Variants in ZNF679 observed in about 807,000 individuals in gnomAD.
The protein encoded by ZNF679 is hypothetical protein MGC42415.
A neutral mutation model predicts 13.4 loss-of-function variants in ZNF679; 10 were observed. That is an observed-to-expected ratio of 0.75 (90% CI 0.46 to 1.27). The LOEUF (loss-of-function observed/expected upper bound fraction) is 1.27, where lower values mean the gene tolerates loss of function less well. Ranked by LOEUF, ZNF679 falls within the 50% of genes most tolerant of loss-of-function variation. The pLI is 0.00. For synonymous variants in ZNF679, 179 were observed against 162.5 expected (o/e 1.10, Z -0.77); for missense variants, 525 against 477.8 (o/e 1.10, Z -0.92).
chr7:64,236,942 A>AAAG (rs1491370312), intron 1 of ZNF679, among the ~76,000 whole-genome samples: 2 of 45,644 alleles, frequency 4.4e-5, no homozygotes, highest in Non-Finnish European at 4.1e-5. Flanking sequence ...AGAAAGAAAG[A>AAAG]AAGAAAGAAA....
chr7:64,248,920 T>G (rs2116528634), intron 1 of ZNF679, 108 bp from the exon 2 acceptor site: 1 of 799,960 alleles, frequency 1.3e-6, no homozygotes, highest in Middle Eastern at 3.5e-4. Flanking sequence ...TCCTGAAACC[T>G]TATCCAATCA....
At chr7:64,231,457 G>A (rs764902075) in intron 1 of ZNF679, among the ~76,000 whole-genome samples, 2 of 151,992 alleles carry the variant, frequency 1.3e-5, no homozygotes, top group Non-Finnish European at 2.9e-5. Context: ...CAGGAAAAGA[G>A]AGTCAACATC....
chr7:64,233,693 T>C (rs565309567), intron 1 of ZNF679, among the ~76,000 whole-genome samples: 1 of 152,208 alleles, frequency 6.6e-6, no homozygotes, highest in East Asian at 1.9e-4. Context: ...GGAAACCACC[T>C]TCACCTTCAT....
chr7:64,229,182 C>T (rs769887125), intron 1 of ZNF679, among the ~76,000 whole-genome samples: 5 of 152,066 alleles, frequency 3.3e-5, no homozygotes, highest in Non-Finnish European at 7.4e-5. Context: ...AGAATCTTAC[C>T]TGTGGTCAGG....
At chr7:64,258,698 C>CAAA (rs548892451) in intron 2 of ZNF679, among the ~76,000 whole-genome samples, 22 of 98,852 alleles carry the variant, frequency 2.2e-4, no homozygotes, top group Admixed American at 1.2e-3. Context: ...AAGATGGTCT[C>CAAA]AAAAAAAAAA....
At chr7:64,253,911 A>G (rs762588150) in intron 2 of ZNF679, among the ~76,000 whole-genome samples, 3 of 152,182 alleles carry the variant, frequency 2.0e-5, no homozygotes, top group Non-Finnish European at 4.4e-5. Flanking sequence ...AGCAAAGTTG[A>G]TTAAGAAGTA....
intron 1 of ZNF679, among the ~76,000 whole-genome samples, chr7:64,240,583 T>A (rs1787785157): frequency 6.6e-6 from 1 of 151,812 alleles, no homozygotes; most frequent in Admixed American, 6.5e-5. Flanking sequence ...GATAGAATTG[T>A]CACCCTCACA....
At chr7:64,236,040 G>T (rs1458447882) in intron 1 of ZNF679, among the ~76,000 whole-genome samples, 2 of 152,112 alleles carry the variant, frequency 1.3e-5, no homozygotes, top group Non-Finnish European at 2.9e-5. Context: ...GCCAAGGTGG[G>T]TGGATCATGA....
At chr7:64,246,888 T>C (rs1337146606) in intron 1 of ZNF679, among the ~76,000 whole-genome samples, 2 of 152,142 alleles carry the variant, frequency 1.3e-5, no homozygotes, top group African/African-American at 4.8e-5. Flanking sequence ...ACAGCAGCAG[T>C]GTGGGCTGCT....
At chr7:64,246,787 G>A (rs1451499141) in intron 1 of ZNF679, among the ~76,000 whole-genome samples, 1 of 151,632 alleles carries the variant, frequency 6.6e-6, no homozygotes, top group Non-Finnish European at 1.5e-5. Flanking sequence ...AGGAAGGAAG[G>A]AAGGGAGGGA....
In ZNF679 at chr7:64,265,955, C is replaced by CA; in HGVS notation, c.327dup (p.Val110SerfsTer12). On this transcript the variant is annotated frameshift_variant, in exon 5 of 5. Coordinates refer to ENST00000421025, the MANE Select transcript of ZNF679 (RefSeq NM_153363.3). LOFTEE classifies it low-confidence loss of function (END_TRUNC). ...AGAGCTAGGCATAAAAGATTCACTC[C>CA]AAAAAGTAATACCAAGAAGATATGG... is the stretch of plus-strand genomic sequence containing the variant. 1 of 1,613,660 alleles carries CA rather than the reference C, an allele frequency of 6.2e-7. No individual in the cohort carries two copies. Among genetic ancestry groups the CA allele is most frequent in the Non-Finnish European group, 8.5e-7 (1 of 1,179,842 alleles).
At chr7:64,245,133 C>T (rs1200532278) in intron 1 of ZNF679, among the ~76,000 whole-genome samples, 1 of 152,148 alleles carries the variant, frequency 6.6e-6, no homozygotes, top group Non-Finnish European at 1.5e-5. Flanking sequence ...TCAAGCAGTT[C>T]TCCCTGCCCC....
chr7:64,249,446 A>AT (rs1787914551), intron 2 of ZNF679, among the ~76,000 whole-genome samples: 1 of 152,188 alleles, frequency 6.6e-6, no homozygotes, highest in Non-Finnish European at 1.5e-5. Context: ...TTGTACAGGG[A>AT]TGGGAAAGTC....
rs58504724 is a variant in ZNF679, at chr7:64,236,922, G to GAAAGAAAGA, written c.-91+8272_-91+8273insAGAAAGAAA. ...AAAAAGAAAAAAAGAAAGAAAGAAA[G>GAAAGAAAGA]AAGAAAGAAAGAAAGAAAGAAAGAA... On this transcript the variant is annotated intron_variant, in intron 1 of 4. Coordinates refer to ENST00000421025, the MANE Select transcript of ZNF679 (RefSeq NM_153363.3). 7.1e-4 allele frequency among the ~76,000 whole-genome samples: 61 copies of GAAAGAAAGA among 85,396 alleles called. No individual in the cohort carries two copies. In the East Asian group the frequency reaches 0.012, roughly 17 times the overall value. 56.0% of individuals were successfully genotyped at this position (85,396 alleles called of 152,430 possible).
At position 64,266,412 on chromosome 7, in the gene ZNF679, G is replaced by A. The variant is rs748367566; in HGVS notation, c.779G>A (p.Arg260Lys). The A allele has an allele frequency of 4.3e-6, 7 of 1,612,504 alleles. No homozygotes were observed. The highest frequency in any genetic ancestry group is 5.9e-6 in the Non-Finnish European group (7 of 1,179,360). Reference sequence around the variant, plus strand: ...TCCTCAACCCTTACTAAACATAGGAGAATTCATACTGGAGAAAAACCCTAC... The same window carrying A: ...TCCTCAACCCTTACTAAACATAGGAAAATTCATACTGGAGAAAAACCCTAC... The part of the protein sequence containing the change: ...TWSSTLTKHR[R>K]IHTGEKPYTC... Residue 260 changes from arginine (R) to lysine (K), a missense_variant, in exon 5 of 5, where the codon AGA becomes AAA. Coordinates refer to ENST00000421025, the MANE Select transcript of ZNF679 (RefSeq NM_153363.3).
At chr7:64,256,907 A>G (rs1210219825) in intron 2 of ZNF679, among the ~76,000 whole-genome samples, 1 of 152,118 alleles carries the variant, frequency 6.6e-6, no homozygotes, top group African/African-American at 2.4e-5. Flanking sequence ...CATGTTAGCC[A>G]GGCTGGTCTT....
At chr7:64,260,491 A>C (rs1191996327) in intron 3 of ZNF679, 144 bp downstream of exon 3, 1 of 1,311,600 alleles carries the variant, frequency 7.6e-7, no homozygotes, top group Admixed American at 2.8e-5. Flanking sequence ...TGTAGAACAA[A>C]TTCTTCAAGA....
chr7:64,252,776 G>A (rs1787959101), intron 2 of ZNF679, among the ~76,000 whole-genome samples: 2 of 152,180 alleles, frequency 1.3e-5, no homozygotes, highest in Admixed American at 6.5e-5. Flanking sequence ...GGAGTGCAGT[G>A]GCATGATCTT....
intron 2 of ZNF679, among the ~76,000 whole-genome samples, chr7:64,250,590 T>C (rs1230820314): frequency 6.6e-6 from 1 of 151,552 alleles, no homozygotes; most frequent in Non-Finnish European, 1.5e-5. Context: ...AACTGTGTCT[T>C]TTTTTTTCTT....
Sources: allele counts gnomAD v4.1 joint callset (sites outside exome capture counted in the v4.1 genomes callset), GRCh38; gene constraint gnomAD v4.1.1; transcripts MANE v1.5; gene names NCBI Gene and HGNC (gene_info 2026-07-23, HGNC 2026-07-21).